POLE: variants seen among roughly 807,000 people sequenced by gnomAD.
The protein encoded by POLE is DNA polymerase epsilon catalytic subunit A.
In POLE, 188 loss-of-function variants were observed where a neutral mutation model predicts 279.2. The observed-to-expected ratio is 0.67, with a 90% CI of 0.60 to 0.76. The LOEUF (loss-of-function observed/expected upper bound fraction) is 0.76, where lower values mean the gene tolerates loss of function less well. Ranked by LOEUF, POLE falls within the 30% of genes least tolerant of loss-of-function variation. The pLI, the probability that POLE is intolerant of heterozygous loss-of-function variation, is 0.00. For synonymous variants in POLE, 1,214 were observed against 1,172.5 expected, an observed-to-expected ratio of 1.04 and a Z score of -0.72; for missense variants, 2,703 against 3,016.7, an observed-to-expected ratio of 0.90 and a Z score of 2.44.
rs1411626282 is a variant in POLE, at chr12:132,624,542, A to G, written c.*155T>C. 4.6e-6 allele frequency: 3 copies of G among 649,216 alleles called. No homozygotes were observed. In the Admixed American group the frequency reaches 7.1e-5, roughly 15 times the overall value. The allele number at this position is 649,216 out of a possible 1,614,324, so 40.2% of individuals were successfully genotyped here. ...CCTGTGACGTCTGAGCTCCCTGAAA[A>G]TGGTTTTCTTTGGTTTCCTCCCCGT... On this transcript the variant is annotated 3_prime_UTR_variant, in exon 49 of 49. Transcript: ENST00000320574.
intron 42 of POLE, among the ~76,000 whole-genome samples, chr12:132,635,339 A>C (rs1335518278): frequency 6.6e-6 from 1 of 152,062 alleles, no homozygotes; most frequent in East Asian, 1.9e-4. Flanking sequence ...CCTTCTCACC[A>C]ACCTCGCTGC....
At position 132,686,627 on chromosome 12, in the gene POLE, C is replaced by A. The variant is rs562595247; in HGVS notation, c.62+627G>T. 9.9e-5 allele frequency among the ~76,000 whole-genome samples: 15 copies of A among 151,894 alleles called. No individual in the cohort carries two copies. In the East Asian group the frequency reaches 3.0e-3, roughly 30 times the overall value. ...GCGGGCGCCTGTAATTCCAGCTACT[C>A]GGGAGGCTGAGGCAGCGGGATCGCT... On this transcript the variant is annotated intron_variant, in intron 1 of 48. Transcript: ENST00000320574.
In POLE at chr12:132,657,341, G is replaced by A. The variant is rs375852759; in HGVS notation, c.3459+8C>T. ...CCCCACAGCCCGTGCCACTGACCCCGCCCTTACCTGCTGCAGGGCCGCAGG... is the reference window on the plus strand; with the variant it reads ...CCCCACAGCCCGTGCCACTGACCCCACCCTTACCTGCTGCAGGGCCGCAGG... On this transcript the variant is annotated splice_region_variant and intron_variant, in intron 28 of 48. Transcript: ENST00000320574. The A allele has an allele frequency of 2.6e-5, 42 of 1,613,826 alleles. No homozygotes were observed. The highest frequency in any genetic ancestry group is 1.0e-4 in the Admixed American group (6 of 59,968).
chr12:132,664,016 G>A lies in POLE; in HGVS notation c.2694C>T (p.Asn898=), dbSNP rs1060504058. The A allele has an allele frequency of 6.2e-7, 1 of 1,614,138 alleles. No homozygotes were observed. Among genetic ancestry groups the A allele is most frequent in the Non-Finnish European group, 8.5e-7 (1 of 1,180,054 alleles). Residue 898 remains asparagine (N), a synonymous_variant, in exon 23 of 49, where the codon AAC becomes AAT. Transcript: ENST00000320574. This position sits in a 1 kb window ranked among gnomAD's most constrained non-coding sequence, Gnocchi z 5.3. ...VTISYPGAML[N]IMVKEGFTND... Reference sequence around the variant, plus strand: ...GCCCCAGACTCACCTTGACCATGATGTTCAACATGGCGCCTGGGTAGGAGA... The same window carrying A: ...GCCCCAGACTCACCTTGACCATGATATTCAACATGGCGCCTGGGTAGGAGA...
In POLE at chr12:132,665,468, A is replaced by G. The variant is rs201453066; in HGVS notation, c.2320-18T>C. 45 of 1,596,556 alleles carry G rather than the reference A, an allele frequency of 2.8e-5. No homozygotes were observed. Among genetic ancestry groups the G allele is most frequent in the South Asian group, 5.5e-5 (5 of 90,808 alleles). ...TTCCACACCTGAGAAGCACATGAACATGGAGCACCTCACAGATTCTTCCAT... is the reference window on the plus strand; with the variant it reads ...TTCCACACCTGAGAAGCACATGAACGTGGAGCACCTCACAGATTCTTCCAT... On this transcript the variant is annotated intron_variant, in intron 20 of 48. Coordinates refer to ENST00000320574, the MANE Select transcript of POLE (RefSeq NM_006231.4).
At position 132,675,409 on chromosome 12, in the gene POLE, C is replaced by T. The variant is rs1060500847; in HGVS notation, c.1215G>A (p.Met405Ile). 1.2e-6 allele frequency: 2 copies of T among 1,614,092 alleles called. No individual in the cohort carries two copies. Among genetic ancestry groups the T allele is most frequent in the Non-Finnish European group, 8.5e-7 (1 of 1,179,998 alleles). ...GEYKAPQCIH[M>I]DCLRWVKRDS... ...TCTGTGGCCCCTACCTGAGGCAGTC[C>T]ATGTGGATGCACTGGGGCGCCTTGT... Residue 405 changes from methionine to isoleucine, a missense_variant, in exon 12 of 49, where the codon ATG becomes ATA. Physicochemically the swap from Met to Ile is conservative, Grantham distance 10. Around this residue, in one of 5 missense-constraint regions of POLE, gnomAD observed 1,011 missense variants for 1,111.7 expected, o/e 0.91. Coordinates refer to ENST00000320574, the MANE Select transcript of POLE (RefSeq NM_006231.4). The surrounding 1 kb of genome is among the most constrained non-coding windows in gnomAD (Gnocchi z 4.3).
chr12:132,684,945 A>C (rs71452534), intron 1 of POLE, among the ~76,000 whole-genome samples: 3,395 of 29,568 alleles, frequency 0.11, 316 homozygotes, highest in Middle Eastern at 0.22. Flanking sequence ...ATTCACAGAG[A>C]GCTACCATTG....
At position 132,649,775 on chromosome 12, in the gene POLE, G is replaced by T. The variant is rs745750549; in HGVS notation, c.3697C>A (p.Arg1233=). The part of the protein sequence containing the change: ...PAAPVTVKRK[R]VLWESQEESQ... ...TCCTCCTGGCTCTCCCAAAGAACTC[G>T]CTTCCTCTTCACAGTGACAGGGGCT... Residue 1233 remains arginine (R), a synonymous_variant, in exon 30 of 49, where the codon CGA becomes AGA. Coordinates refer to ENST00000320574, the MANE Select transcript of POLE (RefSeq NM_006231.4). The T allele has an allele frequency of 3.7e-6, 6 of 1,614,096 alleles. No homozygotes were observed. Among genetic ancestry groups the T allele is most frequent in the Non-Finnish European group, 5.1e-6 (6 of 1,180,050 alleles).
rs755568208 is a variant in POLE at position 132,677,570 on chromosome 12, CCA to C, written c.720+6_720+7del. ...ATGTGAGCAGCGACCCAACCCTGCC[CCA>C]CTCACCACGTGGATCTTCAGGTCAA... On this transcript the variant is annotated splice_donor_region_variant and intron_variant, in intron 7 of 48. Transcript: ENST00000320574. The C allele has an allele frequency of 6.2e-7, 1 of 1,614,112 alleles. No individual in the cohort carries two copies. The highest frequency in any genetic ancestry group is 2.2e-5 in the East Asian group (1 of 44,892).
intron 44 of POLE, 49 bp downstream of exon 44, chr12:132,632,615 T>A: frequency 6.2e-7 from 1 of 1,612,412 alleles, no homozygotes; most frequent in Non-Finnish European, 8.5e-7. Context: ...ACAGAGGAGT[T>A]AGGTCACTGG....
intron 32 of POLE, among the ~76,000 whole-genome samples, chr12:132,647,001 C>T (rs2042300091): frequency 6.6e-6 from 1 of 152,084 alleles, no homozygotes; most frequent in Admixed American, 6.5e-5. Context: ...GCCTGGCCAA[C>T]ACAGTTTCAT....
At chr12:132,651,599 G>A (rs1020861542) in intron 29 of POLE, among the ~76,000 whole-genome samples, 10 of 152,360 alleles carry the variant, frequency 6.6e-5, no homozygotes, top group Admixed American at 3.3e-4. Flanking sequence ...ACTTCCTGGT[G>A]TTCACACCCT....
Position 132,639,297 on chromosome 12 carries a change from T to A in POLE, c.5380A>T (p.Ile1794Phe), listed in dbSNP as rs2138511540. ...CAGCCCACGACCATGCTCTTCAGGA[T>A]CCTGAAAGAGAAGGTGCACGACACC... is the stretch of plus-strand genomic sequence containing the variant. ...ETALCSNTFR[I>F]LKSMVVGWVK... The change falls in exon 40 of 49, where the codon ATC (isoleucine) becomes TTC (phenylalanine). Residue 1794 changes from isoleucine (I) to phenylalanine (F), a missense_variant and splice_region_variant. Physicochemically the swap from Ile to Phe is conservative, Grantham distance 21. This residue lies in a region of POLE where 1,551 missense variants were observed against 1,686.1 expected (regional missense o/e 0.92). Coordinates refer to ENST00000320574, the MANE Select transcript of POLE (RefSeq NM_006231.4). The surrounding 1 kb of genome is among the most constrained non-coding windows in gnomAD (Gnocchi z 4.7). 6.2e-7 allele frequency: 1 copy of A among 1,613,784 alleles called. No homozygotes were observed.
At chr12:132,682,211 G>A (rs759298050) in intron 1 of POLE, among the ~76,000 whole-genome samples, 16 of 150,028 alleles carry the variant, frequency 1.1e-4, no homozygotes, top group Non-Finnish European at 1.5e-4. Context: ...GGAGAATGGC[G>A]TGAACCCAGG....
chr12:132,643,355 C>A (rs887556453), intron 34 of POLE, 25 bp from the exon 35 acceptor site: 4 of 1,614,160 alleles, frequency 2.5e-6, no homozygotes, highest in Non-Finnish European at 3.4e-6. Context: ...AAGACCGTCA[C>A]CCCAGATGTG....
Position 132,677,430 on chromosome 12 carries a change from TTG to T in POLE, c.732_733del (p.Tyr244Ter). On this transcript the variant is annotated stop_gained and frameshift_variant, in exon 8 of 49. Transcript: ENST00000320574. LOFTEE classifies it high-confidence loss of function. ...AAAAGCATTTCCTCGGTATCTGACA[TTG>T]TACCAATGAGCCTGCAAAACACACA... 1 of 1,614,024 alleles carries T rather than the reference TTG, an allele frequency of 6.2e-7. No homozygotes were observed. Among genetic ancestry groups the T allele is most frequent in the Non-Finnish European group, 8.5e-7 (1 of 1,179,888 alleles).
intron 1 of POLE, among the ~76,000 whole-genome samples, chr12:132,687,021 G>C (rs1343804093): frequency 1.3e-5 from 2 of 151,350 alleles, no homozygotes; most frequent in Non-Finnish European, 3.0e-5. Context: ...AGCAGGGAAA[G>C]GCCGCGCGGC....
intron 32 of POLE, chr12:132,648,459 C>T (rs5744913): frequency 0.013 from 2,031 of 152,698 alleles, 24 homozygotes; most frequent in Non-Finnish European, 0.022. Context: ...TGTAACAAAC[C>T]TGCACTTTCT....
At position 132,634,101 on chromosome 12, in the gene POLE, C is replaced by G. The variant is rs2041987193; in HGVS notation, c.6004+85G>C. 8.0e-7 allele frequency: 1 copy of G among 1,254,828 alleles called. No individual in the cohort carries two copies. Among genetic ancestry groups the G allele is most frequent in the Admixed American group, 2.1e-5 (1 of 47,314 alleles). 77.7% of individuals were successfully genotyped at this position (1,254,828 alleles called of 1,614,324 possible). ...CGATCTGATTTTCCCTGTCTCCCTTCTTGCGATACCATGGCACAGGAGCCA... is the reference window on the plus strand; with the variant it reads ...CGATCTGATTTTCCCTGTCTCCCTTGTTGCGATACCATGGCACAGGAGCCA... On this transcript the variant is annotated intron_variant, in intron 43 of 48. Coordinates refer to ENST00000320574, the MANE Select transcript of POLE (RefSeq NM_006231.4). This position sits in a 1 kb window ranked among gnomAD's most constrained non-coding sequence, Gnocchi z 4.0.
Sources: allele counts gnomAD v4.1 joint callset (sites outside exome capture counted in the v4.1 genomes callset), GRCh38; gene constraint gnomAD v4.1.1; regional missense constraint gnomAD v4.1.1; non-coding constraint Gnocchi (gnomAD v3.1); transcripts MANE v1.5; gene names NCBI Gene and HGNC (gene_info 2026-07-23, HGNC 2026-07-21).